Variants in SETDB2 observed in about 807,000 individuals in gnomAD.
SETDB2 encodes the protein histone-lysine N-methyltransferase SETDB2.
Under a neutral mutation model 82.5 loss-of-function variants are expected in SETDB2, and 56 were observed. The observed-to-expected ratio is 0.68, with a 90% CI of 0.55 to 0.85. The LOEUF is 0.85. SETDB2 is among the 40% of genes least tolerant of loss of function. The pLI, the probability that SETDB2 is intolerant of heterozygous loss-of-function variation, is 0.00. For missense variants in SETDB2, 677 were observed against 816.4 expected (o/e 0.83, Z 2.08); for synonymous variants, 272 against 284.9 (o/e 0.95, Z 0.46).
At chr13:49,459,966 A>G (rs1018566239) in intron 2 of SETDB2, 141 bp from the exon 3 acceptor site, 4 of 723,076 alleles carry the variant, frequency 5.5e-6, no homozygotes, top group Middle Eastern at 4.1e-4. Flanking sequence ...CATTACTAAA[A>G]TATTTTCCTC....
chr13:49,465,887 C>T (rs1958102420), intron 4 of SETDB2, among the ~76,000 whole-genome samples: 1 of 152,122 alleles, frequency 6.6e-6, no homozygotes, highest in Admixed American at 6.5e-5. Context: ...TAAGGGTAGC[C>T]ATCTGAGGAC....
rs1384154846 is a variant in SETDB2 at position 49,490,756 on chromosome 13, A to G, written c.1918-66A>G. On this transcript the variant is annotated intron_variant, in intron 12 of 13. Transcript: ENST00000611815. ...ATATTAAAAACAGAATGGTTTTCTAATGCAAAAGCACAAGGCATCAGACTT... is the reference window on the plus strand; with the variant it reads ...ATATTAAAAACAGAATGGTTTTCTAGTGCAAAAGCACAAGGCATCAGACTT... The G allele has an allele frequency of 3.4e-6, 4 of 1,176,772 alleles. No homozygotes were observed. In the East Asian group the frequency reaches 9.9e-5, roughly 29 times the overall value. The allele number at this position is 1,176,772 out of a possible 1,614,324, so 72.9% of individuals were successfully genotyped here.
At chr13:49,464,539 G>GT (rs1958062681) in intron 4 of SETDB2, among the ~76,000 whole-genome samples, 1 of 152,050 alleles carries the variant, frequency 6.6e-6, no homozygotes, top group Non-Finnish European at 1.5e-5. Flanking sequence ...TCCGTAAAAA[G>GT]TAAGTTGGTT....
chr13:49,470,618 C>T (rs530403153), intron 5 of SETDB2, among the ~76,000 whole-genome samples: 179 of 152,222 alleles, frequency 1.2e-3, no homozygotes, highest in African/African-American at 3.9e-3. Flanking sequence ...GAGGTTGAGG[C>T]AGGAGGATCA....
intron 2 of SETDB2, among the ~76,000 whole-genome samples, chr13:49,453,708 C>G (rs1957825583): frequency 6.6e-6 from 1 of 152,100 alleles, no homozygotes; most frequent in Non-Finnish European, 1.5e-5. Context: ...CTAGATTGCT[C>G]TCGTATATTT....
chr13:49,481,197 G>A, intron 8 of SETDB2, 81 bp downstream of exon 8: 1 of 1,328,654 alleles, frequency 7.5e-7, no homozygotes, highest in Non-Finnish European at 1.0e-6. Flanking sequence ...CAGGGCTGTT[G>A]AGAGCTTACA....
At chr13:49,463,094 C>T (rs902436002) in intron 4 of SETDB2, among the ~76,000 whole-genome samples, 1 of 152,178 alleles carries the variant, frequency 6.6e-6, no homozygotes, top group South Asian at 2.1e-4. Flanking sequence ...CAACCTCCCC[C>T]TCCCAGGTTC....
At chr13:49,457,466 C>T (rs1339828168) in intron 2 of SETDB2, among the ~76,000 whole-genome samples, 1 of 131,960 alleles carries the variant, frequency 7.6e-6, no homozygotes, top group Middle Eastern at 6.0e-3. Context: ...AAGAGTCTTG[C>T]TCTGTTACCC....
At chr13:49,484,078 G>T (rs1174475583) in intron 10 of SETDB2, among the ~76,000 whole-genome samples, 1 of 152,096 alleles carries the variant, frequency 6.6e-6, no homozygotes, top group African/African-American at 2.4e-5. Flanking sequence ...TATCATCCAC[G>T]GCAGTTGACA....
At chr13:49,467,322 G>A (rs1958135910) in intron 4 of SETDB2, among the ~76,000 whole-genome samples, 1 of 152,122 alleles carries the variant, frequency 6.6e-6, no homozygotes, top group Non-Finnish European at 1.5e-5. Flanking sequence ...TTGAACCTAG[G>A]AGGTAGAGGT....
At chr13:49,477,422 C>T (rs1958390159) in intron 6 of SETDB2, among the ~76,000 whole-genome samples, 1 of 151,958 alleles carries the variant, frequency 6.6e-6, no homozygotes, top group South Asian at 2.1e-4. Context: ...GACAACAAAG[C>T]AAGACCCTGT....
intron 5 of SETDB2, among the ~76,000 whole-genome samples, chr13:49,470,058 C>T (rs1194413361): frequency 2.0e-5 from 3 of 152,154 alleles, no homozygotes; most frequent in Admixed American, 1.3e-4. Context: ...CTTACAGTTT[C>T]GTACCAATGT....
chr13:49,490,959 A>G (rs746790759), intron 13 of SETDB2, 49 bp downstream of exon 13: 4 of 1,474,526 alleles, frequency 2.7e-6, no homozygotes, highest in Non-Finnish European at 3.8e-6. Flanking sequence ...GACTTTAAAA[A>G]TAACAATAGA....
In SETDB2 at chr13:49,491,951, C is replaced by T. The variant is rs762379302; in HGVS notation, c.*102C>T. On this transcript the variant is annotated 3_prime_UTR_variant, in exon 14 of 14. Coordinates refer to ENST00000611815, the MANE Select transcript of SETDB2 (RefSeq NM_001160308.3). ...ATCAAGGAAATTCCCCTCCGTTTTC[C>T]TTTGTCATGGGGTTTATGTTTTATT... 2.1e-5 allele frequency: 17 copies of T among 820,422 alleles called. No individual in the cohort carries two copies. The highest frequency in any genetic ancestry group is 3.4e-5 in the Non-Finnish European group (16 of 468,684). The allele number at this position is 820,422 out of a possible 1,614,324, so 50.8% of individuals were successfully genotyped here. A position where few individuals can be genotyped will look rare whatever the true frequency, so the allele number is the denominator to read the frequency against.
chr13:49,485,523 A>G, intron 10 of SETDB2, 107 bp from the exon 11 acceptor site: 1 of 837,126 alleles, frequency 1.2e-6, no homozygotes, highest in Non-Finnish European at 1.9e-6. Flanking sequence ...TTCAAAACGA[A>G]TCTAGTACAT....
In SETDB2 at chr13:49,493,874, T is replaced by A. The variant is rs1274850009; in HGVS notation, c.*2025T>A. 6.6e-6 allele frequency: 1 copy of A among 152,222 alleles called. No individual in the cohort carries two copies. The highest frequency in any genetic ancestry group is 1.5e-5 in the Non-Finnish European group (1 of 68,044). 9.4% of individuals were successfully genotyped at this position (152,222 alleles called of 1,614,324 possible). A position where few individuals can be genotyped will look rare whatever the true frequency, so the allele number is the denominator to read the frequency against. ...TGCATATATAATCCATTTTTATCTC[T>A]CTTGAAGCTTATAGGTTTATCTTTG... On this transcript the variant is annotated 3_prime_UTR_variant, in exon 14 of 14. Coordinates refer to ENST00000611815, the MANE Select transcript of SETDB2 (RefSeq NM_001160308.3).
At chr13:49,455,000 T>G (rs572042330) in intron 2 of SETDB2, among the ~76,000 whole-genome samples, 6 of 152,308 alleles carry the variant, frequency 3.9e-5, no homozygotes, top group Non-Finnish European at 8.8e-5. Context: ...TCAAAAAATA[T>G]TAATTGGCTT....
At chr13:49,472,368 C>T (rs1958268020) in intron 5 of SETDB2, among the ~76,000 whole-genome samples, 1 of 152,160 alleles carries the variant, frequency 6.6e-6, no homozygotes. Context: ...AGCCATGCTC[C>T]ACTTTGATGT....
chr13:49,460,507 A>G (rs1957971512), intron 3 of SETDB2, among the ~76,000 whole-genome samples: 1 of 152,166 alleles, frequency 6.6e-6, no homozygotes, highest in South Asian at 2.1e-4. Context: ...ACATTCAGAG[A>G]CAACTAGTTT....
Sources: gnomAD v4.1 joint callset for allele counts (sites outside exome capture counted in the v4.1 genomes callset) on GRCh38, gnomAD v4.1.1 for gene constraint, MANE v1.5 for transcripts, NCBI Gene and HGNC (gene_info 2026-07-23, HGNC 2026-07-21) for gene names.